Variants in GRID1 observed in about 807,000 individuals in gnomAD.
GRID1 encodes glutamate receptor ionotropic, delta-1.
GRID1 carries 28 observed loss-of-function variants against 98.0 expected under a neutral mutation model. The observed-to-expected ratio is 0.29, with a 90% CI of 0.21 to 0.39. The LOEUF (loss-of-function observed/expected upper bound fraction) is 0.39, where lower values mean the gene tolerates loss of function less well. Among genes scored for constraint, GRID1 ranks in the 10% least tolerant of loss-of-function variants. The probability of loss-of-function intolerance (pLI) is 1.00; values close to 1 mark genes in which losing one functional copy is unlikely to be tolerated. For synonymous variants in GRID1, 553 were observed against 538.5 expected (o/e 1.03, Z -0.37); for missense variants, 1,111 against 1,340.5 (o/e 0.83, Z 2.67).
chr10:86,143,987 C>A (rs1418315926), intron 3 of GRID1, among the ~76,000 whole-genome samples: 1 of 152,164 alleles, frequency 6.6e-6, no homozygotes, highest in Non-Finnish European at 1.5e-5. Flanking sequence ...AATACCCAAG[C>A]CTGCCGGAGT....
chr10:85,832,220 A>G (rs550804077), intron 8 of GRID1, among the ~76,000 whole-genome samples: 1 of 152,160 alleles, frequency 6.6e-6, no homozygotes, highest in Non-Finnish European at 1.5e-5. Context: ...CTAGTGAATT[A>G]TTCTGAACAT....
chr10:86,364,193 C>T lies in GRID1; in HGVS notation c.80-97G>A. ...AAGGCACTCGCAGACCGATGATTGC[C>T]GGGTGGTGGGAAGTCTGAACTGGGA... is the stretch of plus-strand genomic sequence containing the variant. On this transcript the variant is annotated intron_variant, in intron 1 of 15. Coordinates refer to ENST00000327946, the MANE Select transcript of GRID1 (RefSeq NM_017551.3). 4 of 1,025,298 alleles carry T rather than the reference C, an allele frequency of 3.9e-6. No individual in the cohort carries two copies. In the South Asian group the frequency reaches 5.9e-5, roughly 15 times the overall value. The allele number at this position is 1,025,298 out of a possible 1,614,324, so 63.5% of individuals were successfully genotyped here.
At chr10:86,324,078 C>G (rs1048776504) in intron 2 of GRID1, among the ~76,000 whole-genome samples, 2 of 152,018 alleles carry the variant, frequency 1.3e-5, no homozygotes, top group Non-Finnish European at 2.9e-5. Flanking sequence ...ACTCAGGAGG[C>G]TTAGGCAGGA....
chr10:86,026,676 G>A (rs1380614518), intron 4 of GRID1, among the ~76,000 whole-genome samples: 1 of 152,176 alleles, frequency 6.6e-6, no homozygotes, highest in Non-Finnish European at 1.5e-5. Context: ...CTCAGCATAG[G>A]GGACCCAGAA....
chr10:85,631,726 C>A (rs552743022), intron 13 of GRID1, among the ~76,000 whole-genome samples: 2 of 152,140 alleles, frequency 1.3e-5, no homozygotes, highest in Admixed American at 1.3e-4. Flanking sequence ...CCATGATAAA[C>A]AATAATCTAA....
At chr10:85,859,009 G>T (rs1379259596) in intron 6 of GRID1, among the ~76,000 whole-genome samples, 1 of 152,226 alleles carries the variant, frequency 6.6e-6, no homozygotes, top group African/African-American at 2.4e-5. Flanking sequence ...AAGTATGTCT[G>T]CTTGGAAGGG....
chr10:86,334,504 G>T (rs571239049), intron 2 of GRID1, among the ~76,000 whole-genome samples: 1 of 152,112 alleles, frequency 6.6e-6, no homozygotes, highest in East Asian at 1.9e-4. Flanking sequence ...GTTATGGTTC[G>T]TGTCACATGT....
At chr10:85,713,930 G>T (rs1020279649) in intron 12 of GRID1, among the ~76,000 whole-genome samples, 1 of 151,900 alleles carries the variant, frequency 6.6e-6, no homozygotes, top group Non-Finnish European at 1.5e-5. Context: ...TTTCCTGCAA[G>T]ATCAGGAACA....
intron 8 of GRID1, among the ~76,000 whole-genome samples, chr10:85,765,767 C>T (rs964571960): frequency 2.6e-5 from 4 of 152,194 alleles, no homozygotes; most frequent in Non-Finnish European, 4.4e-5. Flanking sequence ...AAAGAACACT[C>T]AATCTGAACT....
At chr10:85,671,633 T>C (rs910875626) in intron 12 of GRID1, among the ~76,000 whole-genome samples, 3 of 152,148 alleles carry the variant, frequency 2.0e-5, no homozygotes, top group African/African-American at 2.4e-5. Context: ...AATGGCCTGA[T>C]TGAGTGAAAG....
chr10:86,079,958 G>A (rs1252355474), intron 4 of GRID1, among the ~76,000 whole-genome samples: 4 of 152,170 alleles, frequency 2.6e-5, no homozygotes, highest in African/African-American at 4.8e-5. Flanking sequence ...AGGACCATTC[G>A]GTAGAGGAGG....
In GRID1 at chr10:85,849,665, C is replaced by G. The variant is rs1250593544; in HGVS notation, c.1233+4831G>C. 3.3e-5 allele frequency among the ~76,000 whole-genome samples: 5 copies of G among 152,070 alleles called. 1 individual carries two copies. The highest frequency in any genetic ancestry group is 7.4e-5 in the Non-Finnish European group (5 of 68,012). On this transcript the variant is annotated intron_variant, in intron 8 of 15. Coordinates refer to ENST00000327946, the MANE Select transcript of GRID1 (RefSeq NM_017551.3). ...TGATGTTCTGGGTCCTCTGCCAAGC[C>G]CCCTCACTCCCAGGAAATCTGCCTT... is the stretch of plus-strand genomic sequence containing the variant.
chr10:85,921,811 G>A (rs1396604815), intron 4 of GRID1, among the ~76,000 whole-genome samples: 1 of 152,164 alleles, frequency 6.6e-6, no homozygotes. Context: ...CTGTGTCCTT[G>A]GCTTTTCACT....
Position 85,602,447 on chromosome 10 carries a change from C to A in GRID1, c.2856G>T (p.Pro952=), listed in dbSNP as rs200390116. ...TGGTCGCCGAGCTGCTCAGCGGCAG[C>A]GGCAGGTTGCTGCTGGGCCCTGATG... is the stretch of plus-strand genomic sequence containing the variant. ...TLSSGPSSNL[P]LPLSSSATMP... Residue 952 remains proline (P), a synonymous_variant, in exon 16 of 16, where the codon CCG becomes CCT. Transcript: ENST00000327946. 3 of 1,613,992 alleles carry A rather than the reference C, an allele frequency of 1.9e-6. No homozygotes were observed. In the East Asian group the frequency reaches 6.7e-5, roughly 36 times the overall value.
At chr10:85,704,804 G>C (rs746313714) in intron 12 of GRID1, among the ~76,000 whole-genome samples, 2 of 152,160 alleles carry the variant, frequency 1.3e-5, no homozygotes, top group Non-Finnish European at 2.9e-5. Flanking sequence ...TAGAACTCAG[G>C]ATTAAGAAAC....
In GRID1 at chr10:85,885,818, C is replaced by T. The variant is rs140351191; in HGVS notation, c.781-16638G>A. 6.8e-4 allele frequency among the ~76,000 whole-genome samples: 103 copies of T among 152,238 alleles called. 1 individual carries two copies. The highest frequency in any genetic ancestry group is 2.3e-3 in the African/African-American group (96 of 41,544). On this transcript the variant is annotated intron_variant, in intron 5 of 15. Transcript: ENST00000327946. ...AAGAAAGGAAAAGAGGAATAAGTTA[C>T]AGAGTGATAAATAAATACATTTATA...
chr10:86,195,995 C>T lies in GRID1; in HGVS notation c.520+10369G>A, dbSNP rs1025533514. The stretch of plus-strand genomic sequence containing the variant: ...GAAAGTTCACACAGAGGACAAGCCT[C>T]GACGTCACAGCACATGCCTCACATC... On this transcript the variant is annotated intron_variant, in intron 3 of 15. Transcript: ENST00000327946. The surrounding 1 kb of genome is among the most constrained non-coding windows in gnomAD (Gnocchi z 4.4). Among the ~76,000 whole-genome samples the T allele has an allele frequency of 2.0e-5, 3 of 152,068 alleles. No homozygotes were observed. Among genetic ancestry groups the T allele is most frequent in the Non-Finnish European group, 2.9e-5 (2 of 67,974 alleles).
chr10:85,951,084 G>A (rs1410028309), intron 4 of GRID1, among the ~76,000 whole-genome samples: 1 of 152,148 alleles, frequency 6.6e-6, no homozygotes, highest in Non-Finnish European at 1.5e-5. Context: ...GTCATTGGAT[G>A]TTTCTATCCT....
intron 4 of GRID1, among the ~76,000 whole-genome samples, chr10:86,126,580 T>A (rs1328573739): frequency 6.6e-6 from 1 of 152,262 alleles, no homozygotes; most frequent in African/African-American, 2.4e-5. Context: ...ACTATTCTCA[T>A]AGTTAATGAG....
Sources: allele counts gnomAD v4.1 joint callset (sites outside exome capture counted in the v4.1 genomes callset), GRCh38; gene constraint gnomAD v4.1.1; non-coding constraint Gnocchi (gnomAD v3.1); transcripts MANE v1.5; gene names NCBI Gene and HGNC (gene_info 2026-07-23, HGNC 2026-07-21).